The following MCC variants were observed in gnomAD, a reference collection of about 807,000 sequenced individuals.
MCC encodes MCC regulator of Wnt signaling pathway, also known as colorectal mutant cancer protein.
In MCC, 90 loss-of-function variants were observed where a neutral mutation model predicts 116.2. The ratio of observed to expected loss-of-function variants is 0.77; its 90% CI spans 0.65 to 0.92. The LOEUF is 0.92. Among genes scored for constraint, MCC ranks in the 40% least tolerant of loss-of-function variants. The probability of loss-of-function intolerance (pLI) is 0.00; values close to 1 mark genes in which losing one functional copy is unlikely to be tolerated. For missense variants in MCC, 1,516 were observed against 1,312.2 expected, an observed-to-expected ratio of 1.16 and a Z score of -2.40; for synonymous variants, 578 against 510.5, an observed-to-expected ratio of 1.13 and a Z score of -1.78.
At chr5:113,034,822 C>T (rs556950952) in intron 17 of MCC, among the ~76,000 whole-genome samples, 1 of 152,350 alleles carries the variant, frequency 6.6e-6, no homozygotes, top group South Asian at 2.1e-4. Flanking sequence ...GCCCGCATCA[C>T]CTGCAGGGCT....
intron 3 of MCC, among the ~76,000 whole-genome samples, chr5:113,293,826 C>G (rs142900944): frequency 1.3e-5 from 2 of 152,226 alleles, no homozygotes; most frequent in East Asian, 3.9e-4. Flanking sequence ...TTCATCTCAG[C>G]CTAGGGAAGA....
intron 3 of MCC, among the ~76,000 whole-genome samples, chr5:113,300,603 T>C (rs1247014840): frequency 6.6e-6 from 1 of 152,136 alleles, no homozygotes; most frequent in African/African-American, 2.4e-5. Flanking sequence ...ACTCAGGAAG[T>C]CTCAGTCCTT....
intron 13 of MCC, among the ~76,000 whole-genome samples, chr5:113,065,727 A>G (rs544406807): frequency 1.6e-4 from 24 of 152,348 alleles, no homozygotes; most frequent in Middle Eastern, 3.4e-3. Context: ...ACCCACAATC[A>G]TAGATACTGT....
intron 2 of MCC, among the ~76,000 whole-genome samples, chr5:113,379,699 T>A (rs1455763894): frequency 1.3e-5 from 2 of 152,204 alleles, no homozygotes; most frequent in African/African-American, 4.8e-5. Context: ...AATTTAAAAA[T>A]ATTGTTTCTG....
At chr5:113,035,759 C>G (rs1288534875) in intron 17 of MCC, among the ~76,000 whole-genome samples, 1 of 152,190 alleles carries the variant, frequency 6.6e-6, no homozygotes, top group Non-Finnish European at 1.5e-5. Context: ...AAGACATCAC[C>G]ACGCCTTACC....
chr5:113,239,454 C>T (rs1446155998), intron 3 of MCC, among the ~76,000 whole-genome samples: 1 of 152,122 alleles, frequency 6.6e-6, no homozygotes, highest in Non-Finnish European at 1.5e-5. Context: ...TAGTTTAGGC[C>T]CCTCTTAACC....
intron 3 of MCC, among the ~76,000 whole-genome samples, chr5:113,330,462 G>A (rs984397175): frequency 1.3e-5 from 2 of 152,190 alleles, no homozygotes; most frequent in African/African-American, 2.4e-5. Flanking sequence ...AAAGTAGGAA[G>A]TATGTTTCCT....
At chr5:113,081,864 C>T (rs900828662) in intron 11 of MCC, among the ~76,000 whole-genome samples, 1 of 152,196 alleles carries the variant, frequency 6.6e-6, no homozygotes, top group Non-Finnish European at 1.5e-5. Context: ...TCTGGTTTGC[C>T]ATACACAAGA....
intron 3 of MCC, among the ~76,000 whole-genome samples, chr5:113,239,697 T>C (rs1031166087): frequency 1.3e-5 from 2 of 152,180 alleles, no homozygotes; most frequent in African/African-American, 4.8e-5. Context: ...ATGGCTTCTG[T>C]GGATGCAGTC....
At chr5:113,029,148 T>G (rs1580871701) in intron 17 of MCC, 92 bp from the exon 18 acceptor site, 1 of 1,343,770 alleles carries the variant, frequency 7.4e-7, no homozygotes. Context: ...AAGAGGAAGG[T>G]TTAGCTTGCA....
At chr5:113,077,394 G>A (rs6865585) in intron 11 of MCC, among the ~76,000 whole-genome samples, 28,969 of 151,972 alleles carry the variant, frequency 0.19, 2,869 homozygotes, top group East Asian at 0.29. Flanking sequence ...AAAATTGACC[G>A]TGTAGTTAGA....
In MCC at chr5:113,174,871, G is replaced by A. The variant is rs112210621; in HGVS notation, c.628-23449C>T. Among the ~76,000 whole-genome samples, 794 of 152,224 alleles carry A rather than the reference G, an allele frequency of 5.2e-3. 10 individuals are homozygous for A. Among genetic ancestry groups the A allele is most frequent in the African/African-American group, 0.018 (741 of 41,530 alleles). Reference sequence around the variant, plus strand: ...CCCAAAGTGCTGGGATTACAGGAGTGAGCCAATATGCCCAGATGACAGATT... The same window carrying A: ...CCCAAAGTGCTGGGATTACAGGAGTAAGCCAATATGCCCAGATGACAGATT... On this transcript the variant is annotated intron_variant, in intron 3 of 18. Coordinates refer to ENST00000408903, the MANE Select transcript of MCC (RefSeq NM_001085377.2).
At chr5:113,317,699 A>T (rs1024423735) in intron 3 of MCC, among the ~76,000 whole-genome samples, 1 of 152,248 alleles carries the variant, frequency 6.6e-6, no homozygotes, top group South Asian at 2.1e-4. Flanking sequence ...AATAGAATTT[A>T]AAAATGGCAT....
intron 3 of MCC, among the ~76,000 whole-genome samples, chr5:113,187,724 C>T (rs550740173): frequency 3.7e-4 from 54 of 147,526 alleles, no homozygotes; most frequent in South Asian, 1.5e-3. Flanking sequence ...CACTGCACTC[C>T]GGCCTGGGCG....
rs369803601 is a variant in MCC, at chr5:113,081,358, C to T, written c.1784+1502G>A. Among the ~76,000 whole-genome samples, 3 of 152,222 alleles carry T rather than the reference C, an allele frequency of 2.0e-5. No individual in the cohort carries two copies. The South Asian group carries it at 6.2e-4, about 32-fold the overall frequency. ...TTGTTTTCTCATTTGCAAAACAGGACTACTCTACCCTCACAAGCTGAGGAT... is the reference window on the plus strand; with the variant it reads ...TTGTTTTCTCATTTGCAAAACAGGATTACTCTACCCTCACAAGCTGAGGAT... On this transcript the variant is annotated intron_variant, in intron 11 of 18. Coordinates refer to ENST00000408903, the MANE Select transcript of MCC (RefSeq NM_001085377.2).
In MCC at chr5:113,127,182, T is replaced by C. The variant is rs141554021; in HGVS notation, c.885-4356A>G. Among the ~76,000 whole-genome samples the C allele has an allele frequency of 2.2e-3, 329 of 152,348 alleles. 1 individual carries two copies. The highest frequency in any genetic ancestry group is 7.6e-3 in the African/African-American group (316 of 41,586). On this transcript the variant is annotated intron_variant, in intron 5 of 18. Transcript: ENST00000408903. ...ATCCATCTTCCCACAAGACATGAGCTTGTATTTTTTATGGCTGCATAGTAT... is the reference window on the plus strand; with the variant it reads ...ATCCATCTTCCCACAAGACATGAGCCTGTATTTTTTATGGCTGCATAGTAT...
At chr5:113,360,576 G>T (rs890758465) in intron 2 of MCC, among the ~76,000 whole-genome samples, 1 of 152,136 alleles carries the variant, frequency 6.6e-6, no homozygotes, top group Non-Finnish European at 1.5e-5. Flanking sequence ...TTTGTGGAAA[G>T]ATTTTTTAAA....
intron 8 of MCC, among the ~76,000 whole-genome samples, chr5:113,096,937 C>T (rs548198553): frequency 7.5e-4 from 114 of 152,254 alleles, no homozygotes; most frequent in African/African-American, 2.7e-3. Context: ...CCTCTCAGCT[C>T]CCTCCCATGC....
rs1430064740 is a variant in MCC, at chr5:113,190,674, A to T, written c.628-39252T>A. On this transcript the variant is annotated intron_variant, in intron 3 of 18. Transcript: ENST00000408903. ...GTGAAGAGCAGGAGCTAGCACAACA[A>T]TACAGAGATATCCGAATGGTTTCAG... Among the ~76,000 whole-genome samples the T allele has an allele frequency of 2.0e-5, 3 of 152,316 alleles. No individual in the cohort carries two copies. The South Asian group carries it at 6.2e-4, about 32-fold the overall frequency.
Sources: gnomAD v4.1 joint callset for allele counts (sites outside exome capture counted in the v4.1 genomes callset) on GRCh38, gnomAD v4.1.1 for gene constraint, MANE v1.5 for transcripts, NCBI Gene and HGNC (gene_info 2026-07-23, HGNC 2026-07-21) for gene names.